Variants in EPHA6 observed in about 807,000 individuals in gnomAD.
The protein encoded by EPHA6 is ephrin type-A receptor 6.
Under a neutral mutation model 112.0 loss-of-function variants are expected in EPHA6, and 50 were observed. The ratio of observed to expected loss-of-function variants is 0.45; its 90% CI spans 0.36 to 0.56. EPHA6 has a LOEUF of 0.56. EPHA6 is among the 20% of genes least tolerant of loss of function. The probability of loss-of-function intolerance (pLI) is 0.00; values close to 1 mark genes in which losing one functional copy is unlikely to be tolerated. For synonymous variants in EPHA6, 529 were observed against 490.7 expected, an observed-to-expected ratio of 1.08 and a Z score of -1.03; for missense variants, 1,280 against 1,417.4, an observed-to-expected ratio of 0.90 and a Z score of 1.56.
chr3:97,165,862 G>T (rs1005792917), intron 3 of EPHA6, among the ~76,000 whole-genome samples: 6 of 152,126 alleles, frequency 3.9e-5, no homozygotes, highest in African/African-American at 1.4e-4. Context: ...AAAGTCTAGT[G>T]TTAAGTATTC....
At chr3:97,706,140 C>T (rs781657903) in intron 14 of EPHA6, among the ~76,000 whole-genome samples, 45 of 152,172 alleles carry the variant, frequency 3.0e-4, no homozygotes, top group Non-Finnish European at 4.3e-4. Context: ...TGCATGATTG[C>T]ACACATTTAC....
intron 10 of EPHA6, among the ~76,000 whole-genome samples, chr3:97,527,501 T>C (rs1205824580): frequency 6.6e-6 from 1 of 152,138 alleles, no homozygotes; most frequent in Non-Finnish European, 1.5e-5. Context: ...TTTAATTGCT[T>C]CCTCTTTACC....
At position 97,759,240 on chromosome 3, in the gene EPHA6, C is replaced by T. The variant is rs2036098134; in HGVS notation, c.*10539C>T. Among the ~76,000 whole-genome samples the T allele has an allele frequency of 6.6e-6, 1 of 151,822 alleles. No homozygotes were observed. The highest frequency in any genetic ancestry group is 2.4e-5 in the African/African-American group (1 of 41,364). On this transcript the variant is annotated 3_prime_UTR_variant, in exon 18 of 18. Transcript: ENST00000389672. ...CATGGAAGTTGTTGTTGTTGATGAC[C>T]TTCACAAGGTCATCAACTATGAAAA... is the stretch of plus-strand genomic sequence containing the variant.
intron 3 of EPHA6, among the ~76,000 whole-genome samples, chr3:97,019,576 T>G (rs1215110039): frequency 6.6e-6 from 1 of 152,194 alleles, no homozygotes; most frequent in Non-Finnish European, 1.5e-5. Flanking sequence ...ACTTTCTTTA[T>G]GCATAAGTTG....
At chr3:97,259,542 A>G (rs923398177) in intron 5 of EPHA6, among the ~76,000 whole-genome samples, 1 of 152,144 alleles carries the variant, frequency 6.6e-6, no homozygotes, top group Non-Finnish European at 1.5e-5. Context: ...GATTTTTCTC[A>G]ATGTATTTTA....
At chr3:97,241,093 G>A (rs1037429049) in intron 4 of EPHA6, among the ~76,000 whole-genome samples, 1 of 151,214 alleles carries the variant, frequency 6.6e-6, no homozygotes, top group African/African-American at 2.4e-5. Context: ...TATCTCGTAA[G>A]TTTTACTGGT....
chr3:97,165,092 G>A (rs928231241), intron 3 of EPHA6, among the ~76,000 whole-genome samples: 4 of 152,094 alleles, frequency 2.6e-5, no homozygotes, highest in Non-Finnish European at 4.4e-5. Context: ...TCTACATATA[G>A]AGGTAGAGAA....
Position 97,456,046 on chromosome 3 carries a change from C to T in EPHA6, c.1894+7316C>T, listed in dbSNP as rs573181540. On this transcript the variant is annotated intron_variant, in intron 7 of 17. Coordinates refer to ENST00000389672, the MANE Select transcript of EPHA6 (RefSeq NM_001080448.3). ...AGGTACTTAGATGTTGTAAAATGTGCGTATCAAAGGGCAGTGTTACAGCGT... is the reference window on the plus strand; with the variant it reads ...AGGTACTTAGATGTTGTAAAATGTGTGTATCAAAGGGCAGTGTTACAGCGT... 4.3e-4 allele frequency among the ~76,000 whole-genome samples: 65 copies of T among 151,908 alleles called. 1 individual carries two copies. The highest frequency in any genetic ancestry group is 3.4e-3 in the Middle Eastern group (1 of 292).
intron 2 of EPHA6, among the ~76,000 whole-genome samples, chr3:96,940,777 C>A (rs2107685596): frequency 6.6e-6 from 1 of 152,162 alleles, no homozygotes; most frequent in South Asian, 2.1e-4. Flanking sequence ...TTCAGGAGCT[C>A]TTTTAGGGCA....
intron 10 of EPHA6, among the ~76,000 whole-genome samples, chr3:97,505,453 C>CAAA (rs2092225070): frequency 6.7e-6 from 1 of 150,240 alleles, no homozygotes; most frequent in Non-Finnish European, 1.5e-5. Context: ...GTTGTCTGTT[C>CAAA]CTGTGTTAGT....
chr3:97,608,285 C>T (rs2093694204), intron 12 of EPHA6, among the ~76,000 whole-genome samples: 1 of 151,186 alleles, frequency 6.6e-6, no homozygotes, highest in Non-Finnish European at 1.5e-5. Context: ...CCTAAAGTAT[C>T]TCCCAAAGAG....
At chr3:97,295,425 C>T (rs1159414587) in intron 5 of EPHA6, among the ~76,000 whole-genome samples, 1 of 151,642 alleles carries the variant, frequency 6.6e-6, no homozygotes, top group Non-Finnish European at 1.5e-5. Flanking sequence ...CTGTTTGGTT[C>T]TTTTTTATGA....
At chr3:97,446,294 G>T (rs2090343786) in intron 6 of EPHA6, among the ~76,000 whole-genome samples, 1 of 148,312 alleles carries the variant, frequency 6.7e-6, no homozygotes, top group Non-Finnish European at 1.5e-5. Flanking sequence ...CCGGTAGTGA[G>T]TGATTCGGGC....
At chr3:96,835,943 A>G (rs1453715353) in intron 1 of EPHA6, among the ~76,000 whole-genome samples, 1 of 152,118 alleles carries the variant, frequency 6.6e-6, no homozygotes, top group Non-Finnish European at 1.5e-5. Flanking sequence ...CAAGAATGTC[A>G]CAGTATTAAG....
At chr3:97,523,919 C>T (rs1224997083) in intron 10 of EPHA6, among the ~76,000 whole-genome samples, 1 of 152,022 alleles carries the variant, frequency 6.6e-6, no homozygotes, top group Non-Finnish European at 1.5e-5. Flanking sequence ...CATAATCACT[C>T]CCATGCTCTA....
intron 5 of EPHA6, among the ~76,000 whole-genome samples, chr3:97,367,432 G>A (rs1406537866): frequency 1.3e-5 from 2 of 152,020 alleles, no homozygotes; most frequent in African/African-American, 2.4e-5. Context: ...CTGGCTGGTC[G>A]TGTCCCTGGG....
intron 3 of EPHA6, among the ~76,000 whole-genome samples, chr3:97,065,299 A>G (rs1450413162): frequency 6.6e-6 from 1 of 152,198 alleles, no homozygotes; most frequent in Middle Eastern, 3.2e-3. Flanking sequence ...TGAGGTAATC[A>G]CATTGAATCT....
chr3:96,962,128 G>A (rs1444389586), intron 2 of EPHA6, among the ~76,000 whole-genome samples: 1 of 148,376 alleles, frequency 6.7e-6, no homozygotes, highest in Non-Finnish European at 1.5e-5. Context: ...CACAGACAGA[G>A]AAACCTTCTG....
chr3:97,134,816 T>G (rs1412691382), intron 3 of EPHA6, among the ~76,000 whole-genome samples: 1 of 152,168 alleles, frequency 6.6e-6, no homozygotes, highest in African/African-American at 2.4e-5. Flanking sequence ...CAAATTATTA[T>G]GGCCCTTAGA....
Sources: allele counts gnomAD v4.1 joint callset (sites outside exome capture counted in the v4.1 genomes callset), GRCh38; gene constraint gnomAD v4.1.1; transcripts MANE v1.5; gene names NCBI Gene and HGNC (gene_info 2026-07-23, HGNC 2026-07-21).